Variants in SYCE3 observed in about 807,000 individuals in gnomAD.
SYCE3 encodes the protein testis highly expressed gene 2 protein.
SYCE3 carries 3 observed loss-of-function variants against 8.1 expected under a neutral mutation model. That is an observed-to-expected ratio of 0.37 (90% CI 0.17 to 0.96). The LOEUF is 0.96. SYCE3 is among the 40% of genes least tolerant of loss of function. The probability of loss-of-function intolerance (pLI) is 0.41; values close to 1 mark genes in which losing one functional copy is unlikely to be tolerated. For missense variants in SYCE3, 83 were observed against 110.0 expected (o/e 0.75, Z 1.10); for synonymous variants, 36 against 38.7 (o/e 0.93, Z 0.26).
At chr22:50,553,311 A>G (rs2069828339) in intron 2 of SYCE3, among the ~76,000 whole-genome samples, 1 of 152,144 alleles carries the variant, frequency 6.6e-6, no homozygotes, top group African/African-American at 2.4e-5. Flanking sequence ...CTTGGCTACA[A>G]TAATCCTCTA....
intron 1 of SYCE3, among the ~76,000 whole-genome samples, chr22:50,557,947 C>T (rs1172537614): frequency 1.3e-5 from 2 of 152,122 alleles, no homozygotes; most frequent in African/African-American, 4.8e-5. Context: ...TGCCTCTTAG[C>T]TGGTATTGTG....
At chr22:50,556,494 G>A in intron 1 of SYCE3, 89 bp from the exon 2 acceptor site, 2 of 928,034 alleles carry the variant, frequency 2.2e-6, no homozygotes, top group Non-Finnish European at 3.3e-6. Context: ...TTTCTCTAAG[G>A]AATTCTTTCC....
intron 1 of SYCE3, among the ~76,000 whole-genome samples, chr22:50,560,841 T>A (rs2069907304): frequency 6.6e-6 from 1 of 151,968 alleles, no homozygotes. Context: ...AGAGATAGAA[T>A]AAGGTAGGTA....
Position 50,556,509 on chromosome 22 carries a change from C to G in SYCE3, c.1-104G>C, listed in dbSNP as rs979206032. On this transcript the variant is annotated intron_variant, in intron 1 of 2. Transcript: ENST00000406915. Reference sequence around the variant, plus strand: ...TTTCTCTAAGGAATTCTTTCCCCATCTCTCAGATTCAGACAATACCACGTA... The same window carrying G: ...TTTCTCTAAGGAATTCTTTCCCCATGTCTCAGATTCAGACAATACCACGTA... The G allele has an allele frequency of 7.3e-6, 6 of 823,554 alleles. No individual in the cohort carries two copies. In the African/African-American group the frequency reaches 1.0e-4, roughly 14 times the overall value. 51.0% of individuals were successfully genotyped at this position (823,554 alleles called of 1,614,324 possible).
intron 1 of SYCE3, among the ~76,000 whole-genome samples, chr22:50,558,275 T>C (rs1239520272): frequency 2.6e-5 from 4 of 151,926 alleles, no homozygotes; most frequent in Non-Finnish European, 5.9e-5. Context: ...AATATAAAAA[T>C]TAGCCGGGTG....
chr22:50,557,016 A>C (rs901224022), intron 1 of SYCE3, among the ~76,000 whole-genome samples: 1 of 152,196 alleles, frequency 6.6e-6, no homozygotes, highest in Non-Finnish European at 1.5e-5. Flanking sequence ...TCTCCTGGGC[A>C]TTAGAGGCAG....
At chr22:50,553,323 A>G (rs2069828430) in intron 2 of SYCE3, among the ~76,000 whole-genome samples, 2 of 152,180 alleles carry the variant, frequency 1.3e-5, no homozygotes, top group Admixed American at 1.3e-4. Context: ...AATCCTCTAG[A>G]GAGGACCAGA....
chr22:50,556,944 T>A (rs1042981002), intron 1 of SYCE3, among the ~76,000 whole-genome samples: 1 of 152,194 alleles, frequency 6.6e-6, no homozygotes, highest in African/African-American at 2.4e-5. Flanking sequence ...CGTTTAATTT[T>A]AAAATATGAA....
chr22:50,556,204 G>T (rs985422967), intron 2 of SYCE3, 93 bp downstream of exon 2: 7 of 846,926 alleles, frequency 8.3e-6, no homozygotes, highest in African/African-American at 5.1e-5. Flanking sequence ...ACCTCCTGAG[G>T]CTGTGTCACA....
chr22:50,552,927 G>A, intron 2 of SYCE3, among the ~76,000 whole-genome samples: 1 of 152,212 alleles, frequency 6.6e-6, no homozygotes, highest in East Asian at 1.9e-4. Context: ...GCCGGGCAAG[G>A]TGGCTGGTAC....
chr22:50,562,787 G>C (rs74489771), intron 1 of SYCE3, 71 bp downstream of exon 1: 15,005 of 152,024 alleles, frequency 0.099, 981 homozygotes, highest in African/African-American at 0.18. Context: ...CGCTAGGACA[G>C]GGTCAGGCGG....
intron 1 of SYCE3, among the ~76,000 whole-genome samples, chr22:50,562,623 AG>A (rs1210496535): frequency 1.9e-5 from 1 of 52,896 alleles, no homozygotes; most frequent in African/African-American, 8.3e-5. Flanking sequence ...CTGGGTGAGG[AG>A]GCGGGTGAGC....
At chr22:50,553,458 T>A (rs2069829475) in intron 2 of SYCE3, among the ~76,000 whole-genome samples, 1 of 152,146 alleles carries the variant, frequency 6.6e-6, no homozygotes. Flanking sequence ...CCAAGGAAAC[T>A]AAAATCATGG....
intron 1 of SYCE3, among the ~76,000 whole-genome samples, chr22:50,560,854 G>A (rs1364955427): frequency 6.6e-6 from 1 of 152,144 alleles, no homozygotes; most frequent in Non-Finnish European, 1.5e-5. Context: ...GGTAGGTAGA[G>A]GTCAAGGTAG....
chr22:50,556,480 G>A, intron 1 of SYCE3, 75 bp from the exon 2 acceptor site: 1 of 1,023,148 alleles, frequency 9.8e-7, no homozygotes, highest in Non-Finnish European at 1.5e-6. Flanking sequence ...TTATAACTCA[G>A]TGATTTCTCT....
intron 1 of SYCE3, among the ~76,000 whole-genome samples, chr22:50,556,706 C>T (rs940565787): frequency 6.6e-6 from 1 of 152,164 alleles, no homozygotes; most frequent in Non-Finnish European, 1.5e-5. Context: ...AAAAGTCTGT[C>T]ATAATGGTGA....
At chr22:50,554,098 G>A (rs2069835581) in intron 2 of SYCE3, among the ~76,000 whole-genome samples, 1 of 151,820 alleles carries the variant, frequency 6.6e-6, no homozygotes. Flanking sequence ...GGGAGGCTGA[G>A]GCAGGAGAAT....
intron 1 of SYCE3, among the ~76,000 whole-genome samples, chr22:50,561,804 G>A (rs1285099390): frequency 6.6e-6 from 1 of 151,292 alleles, no homozygotes; most frequent in Non-Finnish European, 1.5e-5. Flanking sequence ...TGTGATGTGG[G>A]AGAGAAGTCT....
chr22:50,561,710 GA>G (rs1318126213), intron 1 of SYCE3, among the ~76,000 whole-genome samples: 1 of 152,006 alleles, frequency 6.6e-6, no homozygotes, highest in Non-Finnish European at 1.5e-5. Flanking sequence ...TGAGAACAAG[GA>G]ATGTGAGGGG....
Sources: gnomAD v4.1 joint callset for allele counts (sites outside exome capture counted in the v4.1 genomes callset) on GRCh38, gnomAD v4.1.1 for gene constraint, MANE v1.5 for transcripts, NCBI Gene and HGNC (gene_info 2026-07-23, HGNC 2026-07-21) for gene names.